Variants in DEUP1 observed in about 807,000 individuals in gnomAD.
DEUP1 encodes the protein coiled-coil domain containing 67.
In DEUP1, 82 loss-of-function variants were observed where a neutral mutation model predicts 87.4. That is an observed-to-expected ratio of 0.94 (90% CI 0.78 to 1.13). The LOEUF is 1.13. Ranked by LOEUF, DEUP1 falls within the 50% of genes most tolerant of loss-of-function variation. The pLI is 0.00. For missense variants in DEUP1, 663 were observed against 681.5 expected, an observed-to-expected ratio of 0.97 and a Z score of 0.30; for synonymous variants, 214 against 222.7, an observed-to-expected ratio of 0.96 and a Z score of 0.35.
intron 7 of DEUP1, among the ~76,000 whole-genome samples, chr11:93,372,624 C>T (rs554444730): frequency 1.3e-5 from 2 of 152,304 alleles, no homozygotes; most frequent in Non-Finnish European, 2.9e-5. Flanking sequence ...TGGTAAGGGA[C>T]AGAATTCAAG....
rs114417513 is a variant in DEUP1, at chr11:93,399,619, T to A, written c.1326+3294T>A. ...AAATTTATTCCCAAGTGTTTTGCAA[T>A]TTTTAGTACTGTTATGAATAAAATA... On this transcript the variant is annotated intron_variant, in intron 11 of 13. Transcript: ENST00000298050. Among the ~76,000 whole-genome samples, 512 of 151,888 alleles carry A rather than the reference T, an allele frequency of 3.4e-3. 1 individual carries two copies. Among genetic ancestry groups the A allele is most frequent in the African/African-American group, 0.012 (489 of 41,552 alleles).
At chr11:93,403,809 A>T (rs1947191385) in intron 11 of DEUP1, among the ~76,000 whole-genome samples, 2 of 152,002 alleles carry the variant, frequency 1.3e-5, no homozygotes, top group South Asian at 4.1e-4. Context: ...ATTAGGAAAA[A>T]ATCCATAATT....
At chr11:93,376,004 C>T (rs1946020328) in intron 7 of DEUP1, among the ~76,000 whole-genome samples, 1 of 152,180 alleles carries the variant, frequency 6.6e-6, no homozygotes, top group South Asian at 2.1e-4. Flanking sequence ...GGCTGGAGTG[C>T]AGTGGTGCAG....
At chr11:93,427,244 C>T (rs1378085764) in intron 13 of DEUP1, among the ~76,000 whole-genome samples, 1 of 150,810 alleles carries the variant, frequency 6.6e-6, no homozygotes. Flanking sequence ...GCTACAGTAA[C>T]CAAAACAGCA....
intron 13 of DEUP1, among the ~76,000 whole-genome samples, chr11:93,431,967 A>C (rs1264592851): frequency 2.6e-5 from 4 of 152,234 alleles, no homozygotes. Context: ...CTAGACACCC[A>C]AACGTAGACA....
At chr11:93,434,597 G>GACCACATGGGAGCCAAAGC (rs1948187498) in intron 13 of DEUP1, among the ~76,000 whole-genome samples, 1 of 152,168 alleles carries the variant, frequency 6.6e-6, no homozygotes, top group South Asian at 2.1e-4. Context: ...AGCCCAAAGT[G>GACCACATGGGAGCCAAAGC]ACCACATGGG....
intron 13 of DEUP1, 109 bp from the exon 14 acceptor site, chr11:93,437,434 T>C (rs1250713668): frequency 2.6e-6 from 2 of 761,584 alleles, no homozygotes; most frequent in African/African-American, 3.5e-5. Flanking sequence ...ATTCTTTCAT[T>C]AAGAGCTGCG....
At chr11:93,345,940 T>A in intron 2 of DEUP1, among the ~76,000 whole-genome samples, 1 of 152,214 alleles carries the variant, frequency 6.6e-6, no homozygotes, top group East Asian at 1.9e-4. Context: ...TATTCCTATG[T>A]CTAGAATAGT....
At chr11:93,396,804 A>C (rs1946959951) in intron 11 of DEUP1, among the ~76,000 whole-genome samples, 1 of 152,188 alleles carries the variant, frequency 6.6e-6, no homozygotes, top group African/African-American at 2.4e-5. Context: ...AGTACCTCAC[A>C]TCTCAGGCAT....
intron 3 of DEUP1, 147 bp from the exon 4 acceptor site, chr11:93,356,801 G>A: frequency 1.5e-6 from 1 of 648,186 alleles, no homozygotes; most frequent in Non-Finnish European, 2.8e-6. Context: ...TTTAATTATT[G>A]ATAGCTATTT....
intron 6 of DEUP1, among the ~76,000 whole-genome samples, chr11:93,370,692 G>A (rs1371521102): frequency 6.6e-6 from 1 of 152,030 alleles, no homozygotes; most frequent in African/African-American, 2.4e-5. Flanking sequence ...CAATCAAATT[G>A]TTTGTTTTTA....
intron 11 of DEUP1, among the ~76,000 whole-genome samples, chr11:93,405,818 G>C (rs1947256122): frequency 6.6e-6 from 1 of 151,802 alleles, no homozygotes. Flanking sequence ...TTAAGCTTAG[G>C]AACTTAGTTC....
At chr11:93,379,178 T>G (rs1257167331) in intron 7 of DEUP1, among the ~76,000 whole-genome samples, 1 of 152,156 alleles carries the variant, frequency 6.6e-6, no homozygotes. Context: ...GAGCGGCCCT[T>G]TTTCAGGCTG....
intron 12 of DEUP1, among the ~76,000 whole-genome samples, chr11:93,410,134 C>T (rs548873706): frequency 1.3e-5 from 2 of 152,164 alleles, no homozygotes; most frequent in Non-Finnish European, 2.9e-5. Flanking sequence ...GCACCTCAGC[C>T]ATGTGTATAT....
At chr11:93,412,149 T>C (rs1353866509) in intron 12 of DEUP1, among the ~76,000 whole-genome samples, 1 of 152,140 alleles carries the variant, frequency 6.6e-6, no homozygotes, top group Non-Finnish European at 1.5e-5. Flanking sequence ...CCAAGGGGAA[T>C]ATTAATGGAG....
Position 93,415,002 on chromosome 11 carries a change from T to C in DEUP1, c.1526T>C (p.Leu509Pro). The change falls in exon 13 of 14, where the codon CTT becomes CCT. Residue 509 changes from leucine (L) to proline (P), a missense_variant and splice_region_variant. By Grantham distance (98) the Leu-to-Pro change is moderately conservative (BLOSUM62 -3). Coordinates refer to ENST00000298050, the MANE Select transcript of DEUP1 (RefSeq NM_181645.4). The stretch of plus-strand genomic sequence containing the variant: ...AACAACCATTTCTTCTCTTTTAGAC[T>C]TAGTCATGACTGTGAGCCAAACAGA... Reference protein sequence around the residue: ...QIKVEQNEERLSHDCEPNRST... With the variant: ...QIKVEQNEERPSHDCEPNRST... 1 of 1,530,662 alleles carries C rather than the reference T, an allele frequency of 6.5e-7. No individual in the cohort carries two copies. The highest frequency in any genetic ancestry group is 8.8e-7 in the Non-Finnish European group (1 of 1,138,046). The allele number at this position is 1,530,662 out of a possible 1,614,324, so 94.8% of individuals were successfully genotyped here.
intron 2 of DEUP1, among the ~76,000 whole-genome samples, chr11:93,342,850 T>A (rs1394551798): frequency 6.6e-6 from 1 of 152,118 alleles, no homozygotes; most frequent in Non-Finnish European, 1.5e-5. Flanking sequence ...GACTTACTGT[T>A]GTTGTGGGAT....
chr11:93,373,065 C>T (rs995813176), intron 7 of DEUP1, among the ~76,000 whole-genome samples: 3 of 152,178 alleles, frequency 2.0e-5, no homozygotes, highest in African/African-American at 4.8e-5. Flanking sequence ...CCTATACTTA[C>T]ATTTTGCAGC....
chr11:93,352,569 A>T, intron 2 of DEUP1: 1 of 604,038 alleles, frequency 1.7e-6, no homozygotes, highest in South Asian at 2.2e-5. Flanking sequence ...GTATCTCCCC[A>T]TACCTGCCTG....
Sources: allele counts gnomAD v4.1 joint callset (sites outside exome capture counted in the v4.1 genomes callset), GRCh38; gene constraint gnomAD v4.1.1; transcripts MANE v1.5; gene names NCBI Gene and HGNC (gene_info 2026-07-23, HGNC 2026-07-21).